The following RARB variants were observed in gnomAD, a reference collection of about 807,000 sequenced individuals.
The protein encoded by RARB is HBV-activated protein.
In RARB, 17 loss-of-function variants were observed where a neutral mutation model predicts 51.9. That is an observed-to-expected ratio of 0.33 (90% CI 0.22 to 0.49). RARB has a LOEUF of 0.49. Among genes scored for constraint, RARB ranks in the 20% least tolerant of loss-of-function variants. The pLI is 0.99. For synonymous variants in RARB, 215 were observed against 195.4 expected (o/e 1.10, Z -0.84); for missense variants, 369 against 550.8 (o/e 0.67, Z 3.30).
chr3:24,961,224 A>G (rs1179068485), intron 2 of RARB, among the ~76,000 whole-genome samples: 1 of 152,262 alleles, frequency 6.6e-6, no homozygotes, highest in Admixed American at 6.5e-5. Flanking sequence ...AATTAAAAAA[A>G]TAAATATTTA....
intron 5 of RARB, among the ~76,000 whole-genome samples, chr3:25,180,906 C>G (rs547840432): frequency 4.6e-5 from 7 of 152,152 alleles, no homozygotes; most frequent in African/African-American, 1.7e-4. Context: ...TTTTTTTAAC[C>G]TTGCCATGAA....
At chr3:25,365,668 G>T (rs1033891104) in intron 5 of RARB, among the ~76,000 whole-genome samples, 7 of 152,110 alleles carry the variant, frequency 4.6e-5, no homozygotes, top group Non-Finnish European at 1.0e-4. Flanking sequence ...TCACATGAAG[G>T]ATTATTCATT....
chr3:25,580,863 G>GA, intron 5 of RARB, 141 bp downstream of exon 5: 8 of 895,864 alleles, frequency 8.9e-6, no homozygotes, highest in Non-Finnish European at 1.3e-5. Flanking sequence ...CTTAGTAGGT[G>GA]GACTCACCTA....
chr3:25,106,468 G>GTTTTTT (rs1239064966), intron 3 of RARB, among the ~76,000 whole-genome samples: 1 of 113,996 alleles, frequency 8.8e-6, no homozygotes, highest in African/African-American at 3.7e-5. Context: ...GTTTTTTTTT[G>GTTTTTT]TTTTGTTTTT....
chr3:25,227,059 C>G (rs6781087), intron 5 of RARB, among the ~76,000 whole-genome samples: 117,955 of 152,152 alleles, frequency 0.78, 46,363 homozygotes, highest in East Asian at 0.85. Context: ...TCCAGAACTG[C>G]TGGGTCAGAC....
chr3:25,046,904 G>T (rs1370603454), intron 2 of RARB, among the ~76,000 whole-genome samples: 1 of 152,186 alleles, frequency 6.6e-6, no homozygotes. Flanking sequence ...TAAGAGATGT[G>T]CACTCAGCCA....
At chr3:24,879,285 C>T (rs570523530) in intron 2 of RARB, among the ~76,000 whole-genome samples, 5 of 151,762 alleles carry the variant, frequency 3.3e-5, no homozygotes, top group Middle Eastern at 3.4e-3. Flanking sequence ...AAAAATTAGC[C>T]GGGCGTGGTG....
chr3:24,904,076 T>A (rs1694793649), intron 2 of RARB, among the ~76,000 whole-genome samples: 1 of 152,150 alleles, frequency 6.6e-6, no homozygotes, highest in South Asian at 2.1e-4. Flanking sequence ...AAACAACAAA[T>A]GTTAATTTTA....
At chr3:25,163,523 A>C (rs200088219) in intron 4 of RARB, among the ~76,000 whole-genome samples, 1 of 38,120 alleles carries the variant, frequency 2.6e-5, no homozygotes, top group Non-Finnish European at 6.7e-5. Context: ...ATATATATAT[A>C]TATATATATA....
At chr3:25,271,808 A>G (rs189629589) in intron 5 of RARB, among the ~76,000 whole-genome samples, 4 of 152,344 alleles carry the variant, frequency 2.6e-5, no homozygotes, top group Non-Finnish European at 4.4e-5. Flanking sequence ...ACCATTTTCT[A>G]GTAAGGCTTT....
Position 24,974,935 on chromosome 3 carries a change from AG to A in RARB, c.-379-85189del, listed in dbSNP as rs1696479707. On this transcript the variant is annotated intron_variant, in intron 2 of 11. Transcript: ENST00000383772. ...AATGTTATACAAGGTTGGATTGTTT[AG>A]CTTTTAGAGCCACACTGGCCAATCA... 1.3e-5 allele frequency among the ~76,000 whole-genome samples: 2 copies of A among 152,282 alleles called. 1 individual carries two copies. Among genetic ancestry groups the A allele is most frequent in the South Asian group, 4.1e-4 (2 of 4,830 alleles).
intron 1 of RARB, among the ~76,000 whole-genome samples, chr3:24,837,926 A>G (rs1315783589): frequency 6.6e-6 from 1 of 152,198 alleles, no homozygotes; most frequent in Non-Finnish European, 1.5e-5. Flanking sequence ...CACATTCACT[A>G]TATCACCATT....
intron 3 of RARB, among the ~76,000 whole-genome samples, chr3:25,558,429 T>G (rs1039655493): frequency 3.9e-5 from 6 of 152,116 alleles, no homozygotes; most frequent in African/African-American, 7.2e-5. Flanking sequence ...TTTCTGCGGT[T>G]TTTTATTCCA....
Position 25,428,388 on chromosome 3 carries a change from A to G in RARB, c.-344A>G. 2 of 1,259,042 alleles carry G rather than the reference A, an allele frequency of 1.6e-6. No homozygotes were observed. Among genetic ancestry groups the G allele is most frequent in the Non-Finnish European group, 2.0e-6 (2 of 1,003,890 alleles). 78.0% of individuals were successfully genotyped at this position (1,259,042 alleles called of 1,614,324 possible). ...GGATGCCGAGAACGCGAGCGATCCGAGCAGGGTTTGTCTGGGCACCGTCGG... is the reference window on the plus strand; with the variant it reads ...GGATGCCGAGAACGCGAGCGATCCGGGCAGGGTTTGTCTGGGCACCGTCGG... On this transcript the variant is annotated 5_prime_UTR_variant, in exon 1 of 8. Coordinates refer to ENST00000330688, the MANE Select transcript of RARB (RefSeq NM_000965.5).
intron 5 of RARB, among the ~76,000 whole-genome samples, chr3:25,374,987 G>A (rs1055783755): frequency 1.3e-5 from 2 of 151,368 alleles, no homozygotes; most frequent in East Asian, 3.9e-4. Context: ...CTTTTATTTA[G>A]TGCAAGATGC....
chr3:25,078,900 G>A (rs1034868830), intron 3 of RARB, among the ~76,000 whole-genome samples: 5 of 152,060 alleles, frequency 3.3e-5, no homozygotes, highest in African/African-American at 1.2e-4. Context: ...ATAAATTTTA[G>A]AATCAGCTTG....
At chr3:24,839,673 C>A (rs563851833) in intron 1 of RARB, among the ~76,000 whole-genome samples, 20 of 127,726 alleles carry the variant, frequency 1.6e-4, no homozygotes, top group African/African-American at 5.7e-4. Context: ...CACTGCACTC[C>A]AGCCTAGGCT....
At chr3:25,087,137 T>A (rs1271337459) in intron 3 of RARB, among the ~76,000 whole-genome samples, 2 of 152,122 alleles carry the variant, frequency 1.3e-5, no homozygotes, top group African/African-American at 4.8e-5. Context: ...GCCTGTTTTG[T>A]CTTAAGGATT....
intron 2 of RARB, among the ~76,000 whole-genome samples, chr3:24,866,311 C>T (rs1702847880): frequency 1.3e-5 from 2 of 152,100 alleles, no homozygotes; most frequent in Non-Finnish European, 2.9e-5. Context: ...GTCCTCAAGC[C>T]CACACCTCAA....
Sources: allele counts gnomAD v4.1 joint callset (sites outside exome capture counted in the v4.1 genomes callset), GRCh38; gene constraint gnomAD v4.1.1; transcripts MANE v1.5; gene names NCBI Gene and HGNC (gene_info 2026-07-23, HGNC 2026-07-21).